Variants in TTLL11 observed in about 807,000 individuals in gnomAD.
TTLL11 encodes tubulin polyglutamylase TTLL11.
A neutral mutation model predicts 51.7 loss-of-function variants in TTLL11; 42 were observed. That is an observed-to-expected ratio of 0.81 (90% CI 0.64 to 1.05). The LOEUF (loss-of-function observed/expected upper bound fraction) is 1.05, where lower values mean the gene tolerates loss of function less well. Ranked by LOEUF, TTLL11 falls within the 50% of genes least tolerant of loss-of-function variation. TTLL11 has a pLI of 0.00. For synonymous variants in TTLL11, 381 were observed against 383.5 expected (o/e 0.99, Z 0.08); for missense variants, 799 against 940.4 (o/e 0.85, Z 1.97).
chr9:121,866,379 G>A (rs1838174704), intron 7 of TTLL11, among the ~76,000 whole-genome samples: 1 of 152,164 alleles, frequency 6.6e-6, no homozygotes. Context: ...GAAAAATCCG[G>A]CCGGGTGCAG....
In TTLL11 at chr9:121,882,083, C is replaced by T. The variant is rs918236626; in HGVS notation, c.1482-11335G>A. 4.6e-5 allele frequency among the ~76,000 whole-genome samples: 7 copies of T among 152,316 alleles called. No individual in the cohort carries two copies. In the East Asian group the frequency reaches 7.7e-4, roughly 17 times the overall value. Reference sequence around the variant, plus strand: ...AATCCATTCAGAGCCATACCTGGAACGTGGCAAGCACTCAGTAAGTGTTAG... The same window carrying T: ...AATCCATTCAGAGCCATACCTGGAATGTGGCAAGCACTCAGTAAGTGTTAG... On this transcript the variant is annotated intron_variant, in intron 6 of 8. Coordinates refer to ENST00000321582, the MANE Select transcript of TTLL11 (RefSeq NM_001139442.2).
chr9:121,962,523 C>T (rs889227641), intron 6 of TTLL11, among the ~76,000 whole-genome samples: 1 of 152,228 alleles, frequency 6.6e-6, no homozygotes, highest in African/African-American at 2.4e-5. Flanking sequence ...TTGACCATTC[C>T]CAGCCAACTA....
intron 1 of TTLL11, among the ~76,000 whole-genome samples, chr9:122,087,572 G>A (rs1326037173): frequency 1.3e-5 from 2 of 152,102 alleles, no homozygotes. Context: ...ATCAACAAAG[G>A]TCCCGCTATG....
chr9:121,824,583 C>T (rs1836691974), intron 8 of TTLL11, among the ~76,000 whole-genome samples: 2 of 151,170 alleles, frequency 1.3e-5, no homozygotes, highest in South Asian at 4.2e-4. Flanking sequence ...TTCAAACTGA[C>T]TCCCATGTTT....
At chr9:122,016,596 C>T (rs1056088418) in intron 3 of TTLL11, among the ~76,000 whole-genome samples, 73 of 152,272 alleles carry the variant, frequency 4.8e-4, no homozygotes, top group African/African-American at 1.5e-3. Context: ...CAGCGGAGGA[C>T]GTTGTTCTCT....
chr9:121,858,379 G>A (rs1837892970), intron 8 of TTLL11, among the ~76,000 whole-genome samples: 1 of 152,178 alleles, frequency 6.6e-6, no homozygotes, highest in Admixed American at 6.5e-5. Context: ...GCCTCTCTAG[G>A]CCTCAGTTTC....
At chr9:121,985,359 C>T (rs1286905256) in intron 4 of TTLL11, among the ~76,000 whole-genome samples, 2 of 152,082 alleles carry the variant, frequency 1.3e-5, no homozygotes, top group Non-Finnish European at 2.9e-5. Flanking sequence ...TACAAGAATA[C>T]ACAGCAAGTC....
At chr9:121,839,540 G>C (rs1469552005) in intron 8 of TTLL11, among the ~76,000 whole-genome samples, 1 of 152,176 alleles carries the variant, frequency 6.6e-6, no homozygotes, top group African/African-American at 2.4e-5. Flanking sequence ...CTGGCACATG[G>C]AAGACACACT....
rs79432012 is a variant in TTLL11 at position 121,958,625 on chromosome 9, G to A, written c.1481+15384C>T. ...CTAGTAGATTTGGACACAGGTAACC[G>A]TTTCCATGACCAGCAACCTACCCTC... is the stretch of plus-strand genomic sequence containing the variant. On this transcript the variant is annotated intron_variant, in intron 6 of 8. Coordinates refer to ENST00000321582, the MANE Select transcript of TTLL11 (RefSeq NM_001139442.2). 3.2e-3 allele frequency among the ~76,000 whole-genome samples: 484 copies of A among 152,286 alleles called. 3 individuals carry two copies. Among genetic ancestry groups the A allele is most frequent in the African/African-American group, 0.011 (454 of 41,554 alleles).
chr9:122,071,226 G>T (rs1326157961), intron 1 of TTLL11, among the ~76,000 whole-genome samples: 1 of 152,166 alleles, frequency 6.6e-6, no homozygotes, highest in African/African-American at 2.4e-5. Context: ...GTCTGAATTT[G>T]ATTTAACTCT....
intron 6 of TTLL11, among the ~76,000 whole-genome samples, chr9:121,921,162 T>C (rs998773054): frequency 2.0e-5 from 3 of 152,238 alleles, no homozygotes; most frequent in Admixed American, 6.5e-5. Flanking sequence ...ACTGGTGGTA[T>C]GCAAAAGACG....
chr9:121,948,474 A>G (rs1588146821), intron 6 of TTLL11, among the ~76,000 whole-genome samples: 1 of 152,210 alleles, frequency 6.6e-6, no homozygotes, highest in African/African-American at 2.4e-5. Flanking sequence ...AGTAATATCT[A>G]CCACCTCTGG....
rs141634429 is a variant in TTLL11, at chr9:121,975,237, C to T, written c.1270-258G>A. On this transcript the variant is annotated intron_variant, in intron 4 of 8. Transcript: ENST00000321582. ...TGTCGTCTGAAGGGCTGTTGATGAC[C>T]TCTTTCTTCTTTAACAGGTTTTTTA... 5.3e-3 allele frequency among the ~76,000 whole-genome samples: 801 copies of T among 152,262 alleles called. 6 individuals carry two copies. The highest frequency in any genetic ancestry group is 0.02 in the Middle Eastern group (6 of 294).
chr9:121,956,562 C>T (rs758682736), intron 6 of TTLL11, among the ~76,000 whole-genome samples: 2 of 152,220 alleles, frequency 1.3e-5, no homozygotes, highest in African/African-American at 4.8e-5. Flanking sequence ...GGGCATCCTC[C>T]ATCACTGTGC....
intron 6 of TTLL11, among the ~76,000 whole-genome samples, chr9:121,962,830 C>T (rs1458119224): frequency 6.6e-6 from 1 of 152,218 alleles, no homozygotes; most frequent in African/African-American, 2.4e-5. Context: ...ATAGACCTTC[C>T]TTACCCATAA....
At chr9:121,924,048 A>T (rs1840631069) in intron 6 of TTLL11, among the ~76,000 whole-genome samples, 3 of 152,212 alleles carry the variant, frequency 2.0e-5, no homozygotes, top group Non-Finnish European at 4.4e-5. Flanking sequence ...GCCTTCCACC[A>T]TGATTGTGAG....
At chr9:121,823,018 A>G in intron 8 of TTLL11, 139 bp from the exon 9 acceptor site, 1 of 1,046,922 alleles carries the variant, frequency 9.6e-7, no homozygotes, top group Non-Finnish European at 1.3e-6. Flanking sequence ...AACTCCTAAC[A>G]GGGCTAACTC....
chr9:122,010,481 G>A (rs1033870997), intron 3 of TTLL11, among the ~76,000 whole-genome samples: 5 of 152,186 alleles, frequency 3.3e-5, no homozygotes, highest in Admixed American at 6.5e-5. Context: ...GATGGTCTAT[G>A]TCTGCTTTCA....
Position 121,974,883 on chromosome 9 carries a change from C to A in TTLL11, c.1365+1G>T, listed in dbSNP as rs773856554. 87 of 1,540,992 alleles carry A rather than the reference C, an allele frequency of 5.6e-5. No individual in the cohort carries two copies. Among genetic ancestry groups the A allele is most frequent in the Non-Finnish European group, 7.1e-5 (81 of 1,142,622 alleles). On this transcript the variant is annotated splice_donor_variant, in intron 5 of 8. Transcript: ENST00000321582. LOFTEE classifies it high-confidence loss of function. ...GTCAATGAGATGCTCAAAATACTTA[C>A]TTCGTGCTCATGTTCGATTCTCATA...
Sources: gnomAD v4.1 joint callset for allele counts (sites outside exome capture counted in the v4.1 genomes callset) on GRCh38, gnomAD v4.1.1 for gene constraint, MANE v1.5 for transcripts, NCBI Gene and HGNC (gene_info 2026-07-23, HGNC 2026-07-21) for gene names.